Variants in ANO7 observed in about 807,000 individuals in gnomAD.
ANO7 encodes the protein anoctamin-7.
ANO7 carries 114 observed loss-of-function variants against 115.8 expected under a neutral mutation model. That is an observed-to-expected ratio of 0.98 (90% CI 0.85 to 1.15). The LOEUF (loss-of-function observed/expected upper bound fraction) is 1.15, where lower values mean the gene tolerates loss of function less well. Among genes scored for constraint, ANO7 ranks in the 50% most tolerant of loss-of-function variants. The probability of loss-of-function intolerance (pLI) is 0.00; values close to 1 mark genes in which losing one functional copy is unlikely to be tolerated. For synonymous variants in ANO7, 550 were observed against 498.2 expected, an observed-to-expected ratio of 1.10 and a Z score of -1.38; for missense variants, 1,302 against 1,201.2, an observed-to-expected ratio of 1.08 and a Z score of -1.24.
At chr2:241,202,012 C>T (rs929392065) in intron 7 of ANO7, among the ~76,000 whole-genome samples, 182 bp from the exon 8 acceptor site, 9 of 152,250 alleles carry the variant, frequency 5.9e-5, no homozygotes, top group African/African-American at 2.2e-4. Context: ...GGCACAGGGG[C>T]GTCCTGCATG....
chr2:241,236,595 G>C, the ANO7 span: 7 of 1,612,870 alleles, frequency 4.3e-6, no homozygotes, highest in Admixed American at 1.2e-4. Context: ...GGGGGTGGAG[G>C]GGGGCACATG....
intron 19 of ANO7, among the ~76,000 whole-genome samples, chr2:241,216,679 C>T (rs1384460589): frequency 2.6e-5 from 4 of 152,108 alleles, no homozygotes; most frequent in African/African-American, 2.4e-5. Context: ...ACCACTGTCA[C>T]CTTACCAGGT....
chr2:241,212,203 C>A lies in ANO7; in HGVS notation c.1671C>A (p.Gly557=), dbSNP rs2068733076. ...SSPVYIAFFK[G]RFVGYPGNYH... is the part of the protein sequence containing the mutation. ...CCGTCTACATTGCCTTCTTCAAGGGCAGGTTGGTGGGCACCTCTCCCTCTG... is the reference window on the plus strand; with the variant it reads ...CCGTCTACATTGCCTTCTTCAAGGGAAGGTTGGTGGGCACCTCTCCCTCTG... Residue 557 remains glycine (G), a splice_region_variant and synonymous_variant, in exon 16 of 25, where the codon GGC becomes GGA. Coordinates refer to ENST00000674324, the MANE Select transcript of ANO7 (RefSeq NM_001370694.2). 3 of 1,612,686 alleles carry A rather than the reference C, an allele frequency of 1.9e-6. No homozygotes were observed. Among genetic ancestry groups the A allele is most frequent in the Admixed American group, 3.3e-5 (2 of 60,010 alleles).
At chr2:241,226,829 C>G (rs2069191950), downstream of ANO7, among the ~76,000 whole-genome samples, 2 of 152,194 alleles carry the variant, frequency 1.3e-5, no homozygotes, top group African/African-American at 4.8e-5. Context: ...CCCGTTATCT[C>G]CTGCCACTCA....
chr2:241,238,871 T>C, the ANO7 span: 3 of 1,141,918 alleles, frequency 2.6e-6, no homozygotes, highest in Non-Finnish European at 3.6e-6. This position sits in a 1 kb window ranked among gnomAD's most constrained non-coding sequence, Gnocchi z 4.9. Flanking sequence ...TCACACCACC[T>C]TCCTCCCTGT....
chr2:241,196,351 G>A (rs1259955775), intron 4 of ANO7, among the ~76,000 whole-genome samples: 1 of 152,158 alleles, frequency 6.6e-6, no homozygotes, highest in Non-Finnish European at 1.5e-5. Context: ...GCAGGCGCAG[G>A]TGGGGCTTGG....
At chr2:241,212,748 C>G in intron 17 of ANO7, 122 bp downstream of exon 17, 2 of 1,145,918 alleles carry the variant, frequency 1.7e-6, no homozygotes, top group Non-Finnish European at 1.2e-6. Flanking sequence ...CATCGCCCAG[C>G]CAGGGCCAGC....
At position 241,194,783 on chromosome 2, in the gene ANO7, T is replaced by C. The variant is rs12612906; in HGVS notation, c.167-920T>C. ...CATAGGAATGTATATCATAGGTATGTACGTATTATAGGTATGTATAGGGAA... is the reference window on the plus strand; with the variant it reads ...CATAGGAATGTATATCATAGGTATGCACGTATTATAGGTATGTATAGGGAA... On this transcript the variant is annotated intron_variant, in intron 3 of 24. Coordinates refer to ENST00000674324, the MANE Select transcript of ANO7 (RefSeq NM_001370694.2). 0.045 allele frequency among the ~76,000 whole-genome samples: 6,831 copies of C among 152,348 alleles called. 731 individuals carry two copies. In the East Asian group the frequency reaches 0.45, roughly 10 times the overall value.
rs1487733334 is a variant in ANO7 at position 241,212,806 on chromosome 2, C to T, written c.1728+180C>T. The stretch of plus-strand genomic sequence containing the variant: ...TCCCAGCCTCTCTTCACCACTTATT[C>T]TGACCCCCGATATGCCCCATTCAGA... On this transcript the variant is annotated intron_variant, in intron 17 of 24. Transcript: ENST00000674324. 4 of 635,736 alleles carry T rather than the reference C, an allele frequency of 6.3e-6. No individual in the cohort carries two copies. The African/African-American group carries it at 7.4e-5, about 12-fold the overall frequency. The allele number at this position is 635,736 out of a possible 1,614,324, so 39.4% of individuals were successfully genotyped here.
At chr2:241,238,653 G>A in the ANO7 span, 24 of 1,565,952 alleles carry the variant, frequency 1.5e-5, 1 homozygote, top group South Asian at 1.0e-4. This position sits in a 1 kb window ranked among gnomAD's most constrained non-coding sequence, Gnocchi z 4.9. Context: ...ACCCACCTGC[G>A]TTCTCCTCTC....
At position 241,201,282 on chromosome 2, in the gene ANO7, G is replaced by A. The variant is rs1432786666; in HGVS notation, c.555-16G>A. ...CAGCTTCCTCCAAACCTTCTGCACT[G>A]TTCACATGCCCACAGCTTCCTCGGG... On this transcript the variant is annotated splice_polypyrimidine_tract_variant and intron_variant, in intron 6 of 24. Transcript: ENST00000674324. The A allele has an allele frequency of 3.1e-6, 5 of 1,612,706 alleles. No individual in the cohort carries two copies. Among genetic ancestry groups the A allele is most frequent in the Non-Finnish European group, 4.2e-6 (5 of 1,179,640 alleles).
chr2:241,217,917 C>CG (rs1233004530), intron 20 of ANO7, 26 bp downstream of exon 20: 1 of 794,490 alleles, frequency 1.3e-6, no homozygotes, highest in Non-Finnish European at 1.8e-6. Flanking sequence ...GAGCGCGGGG[C>CG]GGGGCGGGGG....
Position 241,188,877 on chromosome 2 carries a change from G to A in ANO7, c.-8+111G>A, listed in dbSNP as rs1484628398. ...GGGACTTTCACACACCCTGGCCTGTGGGGAGGCAGTGCCAGGGCCCGCCCT... is the reference window on the plus strand; with the variant it reads ...GGGACTTTCACACACCCTGGCCTGTAGGGAGGCAGTGCCAGGGCCCGCCCT... On this transcript the variant is annotated intron_variant, in intron 1 of 24. Transcript: ENST00000674324. The surrounding 1 kb of genome is among the most constrained non-coding windows in gnomAD (Gnocchi z 4.3). The A allele has an allele frequency of 6.3e-6, 9 of 1,417,340 alleles. No homozygotes were observed. The highest frequency in any genetic ancestry group is 8.5e-6 in the Non-Finnish European group (9 of 1,062,056). 87.8% of individuals were successfully genotyped at this position (1,417,340 alleles called of 1,614,324 possible). A position where few individuals can be genotyped will look rare whatever the true frequency, so the allele number is the denominator to read the frequency against.
chr2:241,233,609 C>T, the ANO7 span, among the ~76,000 whole-genome samples: 1 of 152,034 alleles, frequency 6.6e-6, no homozygotes, highest in Non-Finnish European at 1.5e-5. This position sits in a 1 kb window ranked among gnomAD's most constrained non-coding sequence, Gnocchi z 4.3. Context: ...ATGCTCCAGG[C>T]CCCAGATGAT....
intron 2 of ANO7, 121 bp from the exon 3 acceptor site, chr2:241,191,073 T>G: frequency 1.8e-6 from 2 of 1,103,880 alleles, no homozygotes; most frequent in Non-Finnish European, 2.7e-6. Context: ...GTCCTGAGTG[T>G]TCTGGGGCAG....
chr2:241,205,107 G>A (rs1451834535), intron 10 of ANO7, 152 bp downstream of exon 10: 4 of 662,110 alleles, frequency 6.0e-6, no homozygotes, highest in African/African-American at 1.8e-5. Flanking sequence ...CTTCAGGAGT[G>A]TCACAGAGGG....
intron 4 of ANO7, 73 bp from the exon 5 acceptor site, chr2:241,199,243 C>T (rs995986601): frequency 3.8e-5 from 50 of 1,305,958 alleles, no homozygotes; most frequent in Non-Finnish European, 4.9e-5. Context: ...CCTAAGAGTG[C>T]GAATGGACAC....
rs752923367 is a variant in ANO7 at position 241,199,393 on chromosome 2, C to T, written c.387C>T (p.Ala129=). ...SASWAVLCYY[A]EDLRLKLPLQ... ...CCTGGGCTGTGCTCTGCTACTACGC[C>T]GAAGACCTGCGCCTGAAGCTGCCCT... The change falls in exon 5 of 25, where the codon GCC becomes GCT. Residue 129 remains alanine (A), a synonymous_variant. Transcript: ENST00000674324. 1.4e-5 allele frequency: 23 copies of T among 1,613,710 alleles called. No individual in the cohort carries two copies. Among genetic ancestry groups the T allele is most frequent in the African/African-American group, 5.3e-5 (4 of 74,940 alleles).
At chr2:241,215,009 G>C in intron 18 of ANO7, 107 bp downstream of exon 18, 1 of 1,054,048 alleles carries the variant, frequency 9.5e-7, no homozygotes. Flanking sequence ...GAGGTGAAGG[G>C]AAGGCACCTT....
Sources: allele counts gnomAD v4.1 joint callset (sites outside exome capture counted in the v4.1 genomes callset), GRCh38; gene constraint gnomAD v4.1.1; non-coding constraint Gnocchi (gnomAD v3.1); transcripts MANE v1.5; gene names NCBI Gene and HGNC (gene_info 2026-07-23, HGNC 2026-07-21).